MCC: variants seen among roughly 807,000 people sequenced by gnomAD.
MCC encodes colorectal mutant cancer protein.
Under a neutral mutation model 116.2 loss-of-function variants are expected in MCC, and 90 were observed. The ratio of observed to expected loss-of-function variants is 0.77; its 90% CI spans 0.65 to 0.92. The LOEUF is 0.92. Among genes scored for constraint, MCC ranks in the 40% least tolerant of loss-of-function variants. The probability of loss-of-function intolerance (pLI) is 0.00; values close to 1 mark genes in which losing one functional copy is unlikely to be tolerated. For synonymous variants in MCC, 578 were observed against 510.5 expected (o/e 1.13, Z -1.78); for missense variants, 1,516 against 1,312.2 (o/e 1.16, Z -2.40).
chr5:113,281,938 G>C (rs1341276136), intron 3 of MCC, among the ~76,000 whole-genome samples: 1 of 152,146 alleles, frequency 6.6e-6, no homozygotes, highest in Non-Finnish European at 1.5e-5. Context: ...TAATATAGCA[G>C]CAAGAACTGG....
At chr5:113,296,237 A>G (rs1225754846) in intron 3 of MCC, among the ~76,000 whole-genome samples, 2 of 152,190 alleles carry the variant, frequency 1.3e-5, no homozygotes, top group African/African-American at 4.8e-5. Context: ...GCATGTTTGA[A>G]GCTGGAAATG....
chr5:113,329,411 T>C (rs1161428420), intron 3 of MCC, among the ~76,000 whole-genome samples: 1 of 151,134 alleles, frequency 6.6e-6, no homozygotes, highest in African/African-American at 2.4e-5. Flanking sequence ...CAGAAACATA[T>C]ATCCACACAT....
At chr5:113,355,609 G>A (rs1768391538) in intron 2 of MCC, among the ~76,000 whole-genome samples, 1 of 152,110 alleles carries the variant, frequency 6.6e-6, no homozygotes, top group Admixed American at 6.6e-5. Context: ...CAGCATGGTA[G>A]GGTTCTGGTG....
intron 3 of MCC, among the ~76,000 whole-genome samples, chr5:113,260,409 G>T (rs967363009): frequency 6.6e-6 from 1 of 152,068 alleles, no homozygotes; most frequent in African/African-American, 2.4e-5. Context: ...GCCTGCTTCT[G>T]CATGCAATTT....
chr5:113,195,440 G>T (rs1179226826), intron 3 of MCC, among the ~76,000 whole-genome samples: 1 of 151,930 alleles, frequency 6.6e-6, no homozygotes, highest in Non-Finnish European at 1.5e-5. Flanking sequence ...CCTCAAACAT[G>T]TTTCTCATCT....
rs541706709 is a variant in MCC, at chr5:113,090,597, C to A, written c.1399-5287G>T. Among the ~76,000 whole-genome samples the A allele has an allele frequency of 6.6e-5, 10 of 152,276 alleles. No homozygotes were observed. The South Asian group carries it at 1.9e-3, about 28-fold the overall frequency. On this transcript the variant is annotated intron_variant, in intron 8 of 18. Coordinates refer to ENST00000408903, the MANE Select transcript of MCC (RefSeq NM_001085377.2). ...TGAAAAGAAGAGCACTGATGAAAGA[C>A]ACAGAATAAAAAAAGTCTATAATGT...
intron 6 of MCC, among the ~76,000 whole-genome samples, chr5:113,115,318 A>C (rs1757335507): frequency 6.6e-6 from 1 of 152,188 alleles, no homozygotes; most frequent in African/African-American, 2.4e-5. Context: ...CTGAGAAGCG[A>C]AAGACGCCAC....
At chr5:113,232,692 C>A (rs974645474) in intron 3 of MCC, among the ~76,000 whole-genome samples, 3 of 152,120 alleles carry the variant, frequency 2.0e-5, no homozygotes, top group Non-Finnish European at 4.4e-5. Context: ...CATTTGAACA[C>A]AAGAATACAG....
intron 3 of MCC, among the ~76,000 whole-genome samples, chr5:113,163,068 C>G (rs1176180260): frequency 6.6e-6 from 1 of 152,176 alleles, no homozygotes; most frequent in Admixed American, 6.5e-5. Flanking sequence ...CAAACACATT[C>G]ATCCTAAACA....
At chr5:113,271,613 G>A (rs1448273738) in intron 3 of MCC, among the ~76,000 whole-genome samples, 3 of 152,190 alleles carry the variant, frequency 2.0e-5, no homozygotes, top group African/African-American at 7.2e-5. Flanking sequence ...GTTTGAATGT[G>A]TTCCCCACAT....
At chr5:113,208,362 C>T (rs894911621) in intron 3 of MCC, among the ~76,000 whole-genome samples, 3 of 152,138 alleles carry the variant, frequency 2.0e-5, no homozygotes, top group African/African-American at 7.2e-5. Context: ...TTCCTTTCTA[C>T]AGAGTGCCTT....
At chr5:113,120,986 C>A (rs1374545328) in intron 6 of MCC, among the ~76,000 whole-genome samples, 1 of 152,234 alleles carries the variant, frequency 6.6e-6, no homozygotes, top group African/African-American at 2.4e-5. Context: ...GCAAAACCAC[C>A]TGGTCCTACT....
chr5:113,265,273 C>A (rs1032506380), intron 3 of MCC, among the ~76,000 whole-genome samples: 4 of 152,142 alleles, frequency 2.6e-5, no homozygotes, highest in African/African-American at 9.7e-5. Context: ...GCCCTGCAAA[C>A]AGGCAGCTGT....
chr5:113,272,447 T>G (rs1765651516), intron 3 of MCC, among the ~76,000 whole-genome samples: 1 of 152,192 alleles, frequency 6.6e-6, no homozygotes, highest in Non-Finnish European at 1.5e-5. Flanking sequence ...CCCTGACAGA[T>G]CTAAATAAAA....
intron 3 of MCC, among the ~76,000 whole-genome samples, chr5:113,338,967 T>A (rs1423658926): frequency 6.6e-6 from 1 of 152,170 alleles, no homozygotes; most frequent in Non-Finnish European, 1.5e-5. Flanking sequence ...AAATTTTTTA[T>A]TTTATAATAG....
At chr5:113,289,282 T>C (rs111730826) in intron 3 of MCC, among the ~76,000 whole-genome samples, 3,075 of 149,938 alleles carry the variant, frequency 0.021, 33 homozygotes, top group Non-Finnish European at 0.024. Context: ...TGAGCCGAGA[T>C]TGCGCCACTG....
intron 13 of MCC, among the ~76,000 whole-genome samples, chr5:113,064,735 C>A (rs183082794): frequency 6.6e-6 from 1 of 152,278 alleles, no homozygotes; most frequent in South Asian, 2.1e-4. Context: ...TGGTAATCGG[C>A]GTGAACTCAA....
At chr5:113,368,924 C>T (rs1013201728) in intron 2 of MCC, among the ~76,000 whole-genome samples, 3 of 152,174 alleles carry the variant, frequency 2.0e-5, no homozygotes, top group African/African-American at 7.2e-5. Flanking sequence ...TGGGTTCCCA[C>T]AATCTTTTCC....
chr5:113,170,720 T>C (rs991795945), intron 3 of MCC, among the ~76,000 whole-genome samples: 1 of 152,178 alleles, frequency 6.6e-6, no homozygotes, highest in African/African-American at 2.4e-5. Context: ...TTTGCCTCTG[T>C]TTACAAAATT....
Sources: allele counts gnomAD v4.1 joint callset (sites outside exome capture counted in the v4.1 genomes callset), GRCh38; gene constraint gnomAD v4.1.1; transcripts MANE v1.5; gene names NCBI Gene and HGNC (gene_info 2026-07-23, HGNC 2026-07-21).